The following SCLT1 variants were observed in gnomAD, a reference collection of about 807,000 sequenced individuals.
SCLT1 encodes the protein sodium channel and clathrin linker 1.
SCLT1 carries 78 observed loss-of-function variants against 112.8 expected under a neutral mutation model. The observed-to-expected ratio is 0.69, with a 90% CI of 0.58 to 0.83. SCLT1 has a LOEUF of 0.83. Ranked by LOEUF, SCLT1 falls within the 40% of genes least tolerant of loss-of-function variation. The pLI is 0.00. For synonymous variants in SCLT1, 257 were observed against 254.7 expected (o/e 1.01, Z -0.09); for missense variants, 747 against 770.4 (o/e 0.97, Z 0.36).
chr4:129,038,207 C>G (rs1473818635), intron 5 of SCLT1: 2 of 153,578 alleles, frequency 1.3e-5, no homozygotes, highest in Non-Finnish European at 2.9e-5. Context: ...ATTTAACAGT[C>G]AAAATGATGA....
chr4:128,932,171 T>C (rs1364900195), intron 18 of SCLT1, among the ~76,000 whole-genome samples: 2 of 152,166 alleles, frequency 1.3e-5, no homozygotes, highest in African/African-American at 4.8e-5. Context: ...TAGATTTGTC[T>C]GTAATTAAAA....
intron 1 of SCLT1, among the ~76,000 whole-genome samples, chr4:129,084,652 T>C (rs1323606269): frequency 6.6e-6 from 1 of 152,144 alleles, no homozygotes; most frequent in Non-Finnish European, 1.5e-5. Flanking sequence ...CAAAACAGCA[T>C]GGTACTGGTG....
At chr4:128,896,955 G>T (rs1241858049) in intron 18 of SCLT1, among the ~76,000 whole-genome samples, 1 of 152,100 alleles carries the variant, frequency 6.6e-6, no homozygotes, top group Non-Finnish European at 1.5e-5. Context: ...GAAATGAAGT[G>T]AGAAGAGAAG....
chr4:129,074,707 T>A (rs929540246), intron 2 of SCLT1, among the ~76,000 whole-genome samples: 3 of 152,198 alleles, frequency 2.0e-5, no homozygotes, highest in African/African-American at 7.2e-5. Flanking sequence ...TCTATTTATC[T>A]TTTTAAAAAT....
At chr4:129,092,238 A>T (rs192354342) in intron 1 of SCLT1, among the ~76,000 whole-genome samples, 1 of 152,286 alleles carries the variant, frequency 6.6e-6, no homozygotes, top group African/African-American at 2.4e-5. Context: ...TACGCCTTCA[A>T]CTGCACTTGC....
At chr4:128,966,085 C>T (rs1740159679) in intron 10 of SCLT1, among the ~76,000 whole-genome samples, 2 of 151,570 alleles carry the variant, frequency 1.3e-5, no homozygotes, top group Admixed American at 1.3e-4. Flanking sequence ...CCACCTCGGC[C>T]TCCCAAAGTG....
chr4:129,004,502 C>CA (rs925637805), intron 5 of SCLT1, among the ~76,000 whole-genome samples: 3 of 150,168 alleles, frequency 2.0e-5, no homozygotes, highest in Non-Finnish European at 3.0e-5. Flanking sequence ...GCCTTAACTA[C>CA]AAAAAAAAGC....
At chr4:128,983,812 A>G (rs930461250) in intron 9 of SCLT1, among the ~76,000 whole-genome samples, 1 of 152,206 alleles carries the variant, frequency 6.6e-6, no homozygotes, top group Non-Finnish European at 1.5e-5. Context: ...ATGTTTCAGT[A>G]TAAGTACAAA....
intron 5 of SCLT1, among the ~76,000 whole-genome samples, chr4:129,004,509 A>G (rs1156354786): frequency 6.6e-6 from 1 of 152,104 alleles, no homozygotes; most frequent in African/African-American, 2.4e-5. Flanking sequence ...CTACAAAAAA[A>G]AGCAAGGAAG....
intron 9 of SCLT1, among the ~76,000 whole-genome samples, chr4:128,973,592 C>T (rs575343390): frequency 1.3e-4 from 19 of 151,642 alleles, no homozygotes; most frequent in African/African-American, 3.9e-4. Flanking sequence ...TCTTGCACAC[C>T]CAATTTAATA....
rs984514133 is a variant in SCLT1 at position 129,093,299 on chromosome 4, T to G, written c.-196A>C. 51 of 605,970 alleles carry G rather than the reference T, an allele frequency of 8.4e-5. No individual in the cohort carries two copies. The highest frequency in any genetic ancestry group is 3.5e-4 in the Admixed American group (12 of 34,502). The allele number at this position is 605,970 out of a possible 1,614,324, so 37.5% of individuals were successfully genotyped here. On this transcript the variant is annotated 5_prime_UTR_variant, in exon 1 of 21. Transcript: ENST00000281142. Reference sequence around the variant, plus strand: ...TTCCCCCGCGCCCCAGACGAGTCCCTGGCCCTGGTGAGAGACTGAAGATTG... The same window carrying G: ...TTCCCCCGCGCCCCAGACGAGTCCCGGGCCCTGGTGAGAGACTGAAGATTG...
chr4:129,080,400 C>T lies in SCLT1; in HGVS notation c.102+1906G>A, dbSNP rs76695718. Among the ~76,000 whole-genome samples the T allele has an allele frequency of 9.6e-3, 1,457 of 152,292 alleles. 17 individuals carry two copies. Among genetic ancestry groups the T allele is most frequent in the African/African-American group, 0.028 (1,169 of 41,550 alleles). On this transcript the variant is annotated intron_variant, in intron 2 of 20. Transcript: ENST00000281142. Reference sequence around the variant, plus strand: ...AGCCAGGCTACATCTTGAGTGCTTTCTTGCTTGGAAAGTTTCCTGCCAAAT... The same window carrying T: ...AGCCAGGCTACATCTTGAGTGCTTTTTTGCTTGGAAAGTTTCCTGCCAAAT...
intron 9 of SCLT1, among the ~76,000 whole-genome samples, chr4:128,981,407 G>A (rs758550568): frequency 3.9e-5 from 6 of 152,192 alleles, no homozygotes; most frequent in Non-Finnish European, 8.8e-5. Flanking sequence ...TAGTCTGGAG[G>A]TCGTAAGATT....
chr4:128,951,341 A>G (rs1738715916), intron 14 of SCLT1, among the ~76,000 whole-genome samples: 1 of 152,162 alleles, frequency 6.6e-6, no homozygotes, highest in Non-Finnish European at 1.5e-5. Flanking sequence ...TAGAATCAAC[A>G]TGACTATGAG....
intron 14 of SCLT1, chr4:128,952,542 A>G: frequency 1.8e-6 from 1 of 565,624 alleles, no homozygotes; most frequent in South Asian, 1.9e-5. Flanking sequence ...TCTGTCAAAG[A>G]CAGGTAGTTA....
chr4:128,874,825 C>G (rs1358147774), intron 4 of SCLT1: 2 of 152,414 alleles, frequency 1.3e-5, no homozygotes, highest in African/African-American at 4.8e-5. Flanking sequence ...GCTAGTTAAA[C>G]TTTTGTAAAG....
At chr4:129,031,299 A>G (rs1224536741) in intron 5 of SCLT1, among the ~76,000 whole-genome samples, 1 of 152,172 alleles carries the variant, frequency 6.6e-6, no homozygotes. Flanking sequence ...CTAGGTATTA[A>G]TGGAGCATTT....
intron 9 of SCLT1, among the ~76,000 whole-genome samples, chr4:128,975,002 C>A (rs892994070): frequency 6.9e-6 from 1 of 144,594 alleles, no homozygotes; most frequent in Non-Finnish European, 1.5e-5. Flanking sequence ...TAATGTATTA[C>A]TTCATTTCTT....
intron 5 of SCLT1, among the ~76,000 whole-genome samples, chr4:129,015,728 G>A (rs1486454033): frequency 6.6e-6 from 1 of 152,150 alleles, no homozygotes; most frequent in Admixed American, 6.5e-5. Flanking sequence ...GGGTTCCAGA[G>A]GCCCATGCTC....
Sources: allele counts gnomAD v4.1 joint callset (sites outside exome capture counted in the v4.1 genomes callset), GRCh38; gene constraint gnomAD v4.1.1; transcripts MANE v1.5; gene names NCBI Gene and HGNC (gene_info 2026-07-23, HGNC 2026-07-21).